CSNK1D: variants seen among roughly 807,000 people sequenced by gnomAD.
The protein encoded by CSNK1D is casein kinase I isoform delta.
Under a neutral mutation model 46.6 loss-of-function variants are expected in CSNK1D, and 16 were observed. The observed-to-expected ratio is 0.34, with a 90% CI of 0.23 to 0.52. CSNK1D has a LOEUF of 0.52. Ranked by LOEUF, CSNK1D falls within the 20% of genes least tolerant of loss-of-function variation. The probability of loss-of-function intolerance (pLI) is 0.95; values close to 1 mark genes in which losing one functional copy is unlikely to be tolerated. For synonymous variants in CSNK1D, 276 were observed against 228.2 expected, an observed-to-expected ratio of 1.21 and a Z score of -1.89; for missense variants, 398 against 578.4, an observed-to-expected ratio of 0.69 and a Z score of 3.20.
At position 82,244,230 on chromosome 17, in the gene CSNK1D, G is replaced by C; in HGVS notation, c.*551C>G. ...AAACAAACACAGCACACACCCTTGA[G>C]ATCCACCTGCACCTTCTCCCTGCCC... is the stretch of plus-strand genomic sequence containing the variant. On this transcript the variant is annotated 3_prime_UTR_variant, in exon 9 of 9. Transcript: ENST00000314028. 2 of 1,066,476 alleles carry C rather than the reference G, an allele frequency of 1.9e-6. No individual in the cohort carries two copies. Among genetic ancestry groups the C allele is most frequent in the Non-Finnish European group, 2.3e-6 (2 of 877,154 alleles). 66.1% of individuals were successfully genotyped at this position (1,066,476 alleles called of 1,614,324 possible). A position where few individuals can be genotyped will look rare whatever the true frequency, so the allele number is the denominator to read the frequency against.
intron 8 of CSNK1D, chr17:82,247,746 C>T (rs1486854880): frequency 7.1e-6 from 7 of 985,288 alleles, no homozygotes; most frequent in African/African-American, 1.7e-5. Flanking sequence ...ATTCTCGTGA[C>T]GCAGCCCAGA....
chr17:82,242,468 C>T (rs1441988865), downstream of CSNK1D, among the ~76,000 whole-genome samples: 5 of 151,904 alleles, frequency 3.3e-5, no homozygotes, highest in East Asian at 1.9e-4. Context: ...GGGGGCAGCA[C>T]GGCGAGGAGC....
chr17:82,242,365 A>AGTGCGGCTGCCG (rs1477654000), downstream of CSNK1D, among the ~76,000 whole-genome samples: 1 of 152,204 alleles, frequency 6.6e-6, no homozygotes, highest in Non-Finnish European at 1.5e-5. Context: ...AGGCGGCTGG[A>AGTGCGGCTGCCG]GTGCGGCTGC....
chr17:82,273,714 C>G (rs2051705891), upstream of CSNK1D: 3 of 483,546 alleles, frequency 6.2e-6, no homozygotes, highest in Non-Finnish European at 1.1e-5. The surrounding 1 kb of genome is among the most constrained non-coding windows in gnomAD (Gnocchi z 5.1). Flanking sequence ...GTCACTTCCC[C>G]TAGCAACCCG....
intron 8 of CSNK1D, chr17:82,246,899 C>A: frequency 9.1e-6 from 9 of 985,764 alleles, no homozygotes; most frequent in Non-Finnish European, 1.1e-5. Context: ...AGGTGAGGCG[C>A]TCAGAGCAAT....
intron 2 of CSNK1D, among the ~76,000 whole-genome samples, chr17:82,259,534 C>T (rs113412538): frequency 1.6e-4 from 25 of 152,220 alleles, no homozygotes; most frequent in Non-Finnish European, 2.9e-4. Context: ...CAGACGTCTG[C>T]GTTATCCTGC....
At position 82,244,551 on chromosome 17, in the gene CSNK1D, G is replaced by A. The variant is rs976622654; in HGVS notation, c.*230C>T. On this transcript the variant is annotated 3_prime_UTR_variant, in exon 9 of 9. Transcript: ENST00000314028. ...TCTCTCTGCTTTTCTTCCCAGCCCC[G>A]TTACAACCGAGTTCACGTGGGGGGC... 1.3e-5 allele frequency: 19 copies of A among 1,472,744 alleles called. No homozygotes were observed. Among genetic ancestry groups the A allele is most frequent in the East Asian group, 1.0e-4 (4 of 39,914 alleles). The allele number at this position is 1,472,744 out of a possible 1,614,324, so 91.2% of individuals were successfully genotyped here.
Position 82,242,691 on chromosome 17 carries a change from A to T in CSNK1D, c.*2090T>A. On this transcript the variant is annotated 3_prime_UTR_variant, in exon 9 of 9. Coordinates refer to ENST00000314028, the MANE Select transcript of CSNK1D (RefSeq NM_001893.6). ...GAAAGGTAGAAGTCATTATGAATTTATTATTTACACGATTGTTAAAGTACA... is the reference window on the plus strand; with the variant it reads ...GAAAGGTAGAAGTCATTATGAATTTTTTATTTACACGATTGTTAAAGTACA... The T allele has an allele frequency of 2.0e-6, 2 of 985,416 alleles. No individual in the cohort carries two copies. The highest frequency in any genetic ancestry group is 1.1e-4 in the East Asian group (1 of 8,816). 61.0% of individuals were successfully genotyped at this position (985,416 alleles called of 1,614,324 possible). A position where few individuals can be genotyped will look rare whatever the true frequency, so the allele number is the denominator to read the frequency against.
rs548851032 is a variant in CSNK1D at position 82,261,855 on chromosome 17, C to T, written c.187+3831G>A. 5.3e-5 allele frequency among the ~76,000 whole-genome samples: 8 copies of T among 152,208 alleles called. No homozygotes were observed. In the East Asian group the frequency reaches 1.4e-3, roughly 26 times the overall value. On this transcript the variant is annotated intron_variant, in intron 2 of 8. Transcript: ENST00000314028. Reference sequence around the variant, plus strand: ...AGTCGCCCACCCTCAGCCACAGAACCGTCACCCACTGGCCCGGGTTCTACA... The same window carrying T: ...AGTCGCCCACCCTCAGCCACAGAACTGTCACCCACTGGCCCGGGTTCTACA...
In CSNK1D at chr17:82,255,824, G is replaced by A. The variant is rs1288154808; in HGVS notation, c.188-247C>T. 6.6e-6 allele frequency among the ~76,000 whole-genome samples: 1 copy of A among 152,224 alleles called. No homozygotes were observed. The highest frequency in any genetic ancestry group is 2.4e-5 in the African/African-American group (1 of 41,462). On this transcript the variant is annotated intron_variant, in intron 2 of 8. Transcript: ENST00000314028. The surrounding 1 kb of genome is among the most constrained non-coding windows in gnomAD (Gnocchi z 5.9). ...CAGACAGGAGCTGTAAGGGGGACAA[G>A]GAGGGGATCGAAGCCCCACCTCCCC...
chr17:82,247,425 G>A, intron 8 of CSNK1D: 1 of 985,394 alleles, frequency 1.0e-6, no homozygotes, highest in East Asian at 1.1e-4. Flanking sequence ...CAAACCACTG[G>A]ACACTTTACT....
chr17:82,261,933 C>A, intron 2 of CSNK1D, among the ~76,000 whole-genome samples: 1 of 152,200 alleles, frequency 6.6e-6, no homozygotes, highest in Non-Finnish European at 1.5e-5. Flanking sequence ...TCAGCCTTGA[C>A]GAAAAGCAGC....
Position 82,251,993 on chromosome 17 carries a change from T to TAAA in CSNK1D, c.736+438_736+440dup. ...TTGGCGACAGAGTGAGACTGTGTCT[T>TAAA]AAAAAAAAAAAAGAAGTCATAAAGC... On this transcript the variant is annotated intron_variant, in intron 5 of 8. Coordinates refer to ENST00000314028, the MANE Select transcript of CSNK1D (RefSeq NM_001893.6). This position sits in a 1 kb window ranked among gnomAD's most constrained non-coding sequence, Gnocchi z 4.5. 2 of 267,734 alleles carry TAAA rather than the reference T, an allele frequency of 7.5e-6. No homozygotes were observed. Among genetic ancestry groups the TAAA allele is most frequent in the Non-Finnish European group, 7.2e-6 (1 of 138,400 alleles). The allele number at this position is 267,734 out of a possible 1,614,324, so 16.6% of individuals were successfully genotyped here.
chr17:82,252,390 C>A lies in CSNK1D; in HGVS notation c.736+44G>T, dbSNP rs527538344. Reference sequence around the variant, plus strand: ...CTCGGCACACCCGACACATATGCAACCCCTGTGAGCAGCTCCGCTGAGAAG... The same window carrying A: ...CTCGGCACACCCGACACATATGCAAACCCTGTGAGCAGCTCCGCTGAGAAG... On this transcript the variant is annotated intron_variant, in intron 5 of 8. Transcript: ENST00000314028. The surrounding 1 kb of genome is among the most constrained non-coding windows in gnomAD (Gnocchi z 4.6). 1.9e-5 allele frequency: 31 copies of A among 1,610,298 alleles called. No individual in the cohort carries two copies. Among genetic ancestry groups the A allele is most frequent in the South Asian group, 1.1e-5 (1 of 90,980 alleles).
downstream of CSNK1D, chr17:82,239,978 A>G (rs1317402557): frequency 1.6e-6 from 2 of 1,233,130 alleles, no homozygotes; most frequent in Admixed American, 8.4e-5. Context: ...CGGGGCCCTC[A>G]GTAGGTGCGT....
In CSNK1D at chr17:82,243,621, A is replaced by G; in HGVS notation, c.*1160T>C. On this transcript the variant is annotated 3_prime_UTR_variant, in exon 9 of 9. Coordinates refer to ENST00000314028, the MANE Select transcript of CSNK1D (RefSeq NM_001893.6). ...TGAAGGTTCTGGGTCCGGTTGGGAG[A>G]GTCACCTGCTCCTTGGCACCTCAGG... 1 of 985,432 alleles carries G rather than the reference A, an allele frequency of 1.0e-6. No homozygotes were observed. The highest frequency in any genetic ancestry group is 1.2e-6 in the Non-Finnish European group (1 of 829,944). The allele number at this position is 985,432 out of a possible 1,614,324, so 61.0% of individuals were successfully genotyped here. A position where few individuals can be genotyped will look rare whatever the true frequency, so the allele number is the denominator to read the frequency against.
intron 2 of CSNK1D, among the ~76,000 whole-genome samples, chr17:82,259,928 TACTG>T (rs1452575311): frequency 6.6e-6 from 1 of 151,758 alleles, no homozygotes; most frequent in Non-Finnish European, 1.5e-5. Context: ...ACTGATGGTG[TACTG>T]ACTGATGGTG....
At chr17:82,245,807 G>A (rs1342569293) in intron 8 of CSNK1D, among the ~76,000 whole-genome samples, 1 of 152,198 alleles carries the variant, frequency 6.6e-6, no homozygotes, top group Non-Finnish European at 1.5e-5. Context: ...ACTGGGCAGC[G>A]GACTGCCGCC....
At position 82,244,632 on chromosome 17, in the gene CSNK1D, C is replaced by T; in HGVS notation, c.*149G>A. 6.5e-7 allele frequency: 1 copy of T among 1,538,710 alleles called. No individual in the cohort carries two copies. On this transcript the variant is annotated 3_prime_UTR_variant, in exon 9 of 9. Coordinates refer to ENST00000314028, the MANE Select transcript of CSNK1D (RefSeq NM_001893.6). ...GGAGTCTGTCCGTTTAGTATGTTTC[C>T]CCCACGAGCGTCGCTGGGTGAGTGG... is the stretch of plus-strand genomic sequence containing the variant.
Sources: gnomAD v4.1 joint callset for allele counts (sites outside exome capture counted in the v4.1 genomes callset) on GRCh38, gnomAD v4.1.1 for gene constraint, Gnocchi (gnomAD v3.1) non-coding constraint, MANE v1.5 for transcripts, NCBI Gene and HGNC (gene_info 2026-07-23, HGNC 2026-07-21) for gene names.